Variants in EGFR observed in about 807,000 individuals in gnomAD.
EGFR encodes the protein avian erythroblastic leukemia viral (v-erb-b) oncogene homolog.
Under a neutral mutation model 143.0 loss-of-function variants are expected in EGFR, and 58 were observed. The ratio of observed to expected loss-of-function variants is 0.41; its 90% CI spans 0.33 to 0.50. The LOEUF (loss-of-function observed/expected upper bound fraction) is 0.50. Ranked by LOEUF, EGFR falls within the 20% of genes least tolerant of loss-of-function variation. The probability of loss-of-function intolerance (pLI) is 0.39; values close to 1 mark genes in which losing one functional copy is unlikely to be tolerated. For synonymous variants in EGFR, 613 were observed against 594.4 expected (o/e 1.03, Z -0.45); for missense variants, 1,307 against 1,579.0 (o/e 0.83, Z 2.92).
chr7:55,165,057 G>A (rs532769286), intron 14 of EGFR, among the ~76,000 whole-genome samples: 1 of 152,332 alleles, frequency 6.6e-6, no homozygotes, highest in African/African-American at 2.4e-5. Context: ...TCATGCTGGT[G>A]TATATCATAT....
At chr7:55,109,037 C>A (rs967934942) in intron 1 of EGFR, among the ~76,000 whole-genome samples, 4 of 152,076 alleles carry the variant, frequency 2.6e-5, no homozygotes, top group Non-Finnish European at 5.9e-5. Context: ...TAGAGTGATA[C>A]GCTGGAGGGG....
chr7:55,045,266 T>A (rs7785141), intron 1 of EGFR, among the ~76,000 whole-genome samples: 7,383 of 152,286 alleles, frequency 0.048, 303 homozygotes, highest in South Asian at 0.16. Flanking sequence ...TGCTCTCTCT[T>A]TATGTCTGTA....
intron 1 of EGFR, among the ~76,000 whole-genome samples, chr7:55,021,001 A>C (rs898335717): frequency 6.6e-6 from 1 of 151,980 alleles, no homozygotes; most frequent in African/African-American, 2.4e-5. Context: ...TCTTCATGTG[A>C]TCTGTTGGGC....
At chr7:55,047,752 G>A (rs371158538) in intron 1 of EGFR, among the ~76,000 whole-genome samples, 6 of 152,026 alleles carry the variant, frequency 3.9e-5, no homozygotes, top group Admixed American at 2.6e-4. Context: ...ACTCCATCTC[G>A]AAAACAAACA....
At chr7:55,179,084 G>C (rs150781885) in intron 19 of EGFR, among the ~76,000 whole-genome samples, 9 of 152,218 alleles carry the variant, frequency 5.9e-5, no homozygotes, top group Non-Finnish European at 1.3e-4. Flanking sequence ...AGTGTGTGCC[G>C]GGTGATCCGA....
intron 22 of EGFR, among the ~76,000 whole-genome samples, chr7:55,197,812 A>G (rs561006074): frequency 2.4e-4 from 37 of 152,280 alleles, no homozygotes; most frequent in Admixed American, 2.1e-3. Context: ...ATTGATTTGC[A>G]TATGTTGAAC....
At chr7:55,098,164 C>T (rs1442625539) in intron 1 of EGFR, among the ~76,000 whole-genome samples, 1 of 152,142 alleles carries the variant, frequency 6.6e-6, no homozygotes, top group African/African-American at 2.4e-5. Flanking sequence ...TGGTTGCAGA[C>T]CATAAAGACA....
At chr7:55,200,948 C>T (rs1169958054) in intron 24 of EGFR, 1 of 578,966 alleles carries the variant, frequency 1.7e-6, no homozygotes, top group Non-Finnish European at 3.1e-6. Context: ...TCCTCAGAAG[C>T]TATTTGAATC....
At chr7:55,184,531 C>T (rs77301022) in intron 20 of EGFR, among the ~76,000 whole-genome samples, 1,979 of 152,226 alleles carry the variant, frequency 0.013, 47 homozygotes, top group African/African-American at 0.046. Flanking sequence ...AAACTTAGTG[C>T]GTGTCCCATT....
chr7:55,050,224 C>T (rs1438936798), intron 1 of EGFR, among the ~76,000 whole-genome samples: 2 of 152,186 alleles, frequency 1.3e-5, no homozygotes, highest in Non-Finnish European at 2.9e-5. Context: ...GAAACTCTGT[C>T]CCCATTAAGC....
At chr7:55,110,222 A>G (rs1374468736) in intron 1 of EGFR, among the ~76,000 whole-genome samples, 1 of 152,262 alleles carries the variant, frequency 6.6e-6, no homozygotes, top group Non-Finnish European at 1.5e-5. Flanking sequence ...TTAAAACAGC[A>G]TAATGGAAAA....
chr7:55,120,325 C>T (rs953777561), intron 1 of EGFR, among the ~76,000 whole-genome samples: 2 of 152,184 alleles, frequency 1.3e-5, no homozygotes, highest in Non-Finnish European at 2.9e-5. Flanking sequence ...ATCTCCACTT[C>T]CTGGTACCCT....
intron 5 of EGFR, among the ~76,000 whole-genome samples, chr7:55,151,747 G>A (rs760646192): frequency 1.6e-4 from 24 of 152,182 alleles, no homozygotes; most frequent in Admixed American, 3.9e-4. Context: ...GGTGGCGGGC[G>A]CCTGTAGTCC....
rs181408071 is a variant in EGFR, at chr7:55,147,449, C to T, written c.559+709C>T. On this transcript the variant is annotated intron_variant, in intron 4 of 27. Transcript: ENST00000275493. ...TTAGAGTAAGAAGTGATCACCATTT[C>T]CTGCTTCTTTGTTTCTCCACAACTG... 3.4e-3 allele frequency among the ~76,000 whole-genome samples: 511 copies of T among 151,918 alleles called. 2 individuals carry two copies. The highest frequency in any genetic ancestry group is 5.9e-3 in the Non-Finnish European group (402 of 67,986).
At chr7:55,077,506 G>A (rs1790194086) in intron 1 of EGFR, among the ~76,000 whole-genome samples, 1 of 151,858 alleles carries the variant, frequency 6.6e-6, no homozygotes, top group Non-Finnish European at 1.5e-5. Context: ...AGTGAAAAGT[G>A]TGTGTGTGTT....
At chr7:55,094,935 G>A (rs764704264) in intron 1 of EGFR, among the ~76,000 whole-genome samples, 3 of 152,172 alleles carry the variant, frequency 2.0e-5, no homozygotes, top group Admixed American at 6.5e-5. Context: ...GTGCAGCAGC[G>A]GCAACCATAA....
chr7:55,198,509 C>G (rs1787715125), intron 22 of EGFR, among the ~76,000 whole-genome samples: 1 of 152,210 alleles, frequency 6.6e-6, no homozygotes, highest in Admixed American at 6.5e-5. Flanking sequence ...TGGGTCCTTA[C>G]AGCAATCCTG....
At chr7:55,049,495 G>A (rs1384635356) in intron 1 of EGFR, among the ~76,000 whole-genome samples, 3 of 152,150 alleles carry the variant, frequency 2.0e-5, no homozygotes, top group Non-Finnish European at 4.4e-5. Flanking sequence ...AAACATCTCT[G>A]GAGAAGGAAA....
At chr7:55,055,896 C>T (rs1046529575) in intron 1 of EGFR, among the ~76,000 whole-genome samples, 1 of 152,094 alleles carries the variant, frequency 6.6e-6, no homozygotes, top group Admixed American at 6.5e-5. Context: ...CCATGTTCAC[C>T]ACAGTGCTCA....
Sources: allele counts gnomAD v4.1 joint callset (sites outside exome capture counted in the v4.1 genomes callset), GRCh38; gene constraint gnomAD v4.1.1; transcripts MANE v1.5; gene names NCBI Gene and HGNC (gene_info 2026-07-23, HGNC 2026-07-21).